Variants in GRK4 observed in about 807,000 individuals in gnomAD.
GRK4 encodes the protein G protein-coupled receptor kinase 4.
Under a neutral mutation model 77.9 loss-of-function variants are expected in GRK4, and 73 were observed. The observed-to-expected ratio is 0.94, with a 90% confidence interval of 0.78 to 1.14. The LOEUF is 1.14. Among genes scored for constraint, GRK4 ranks in the 50% most tolerant of loss-of-function variants. The pLI, the probability that GRK4 is intolerant of heterozygous loss-of-function variation, is 0.00. For missense variants in GRK4, 729 were observed against 700.2 expected (o/e 1.04, Z -0.46); for synonymous variants, 257 against 254.4 (o/e 1.01, Z -0.10).
In GRK4 at chr4:2,987,090, AC is replaced by A. The variant is rs1724621948; in HGVS notation, c.149-1634del. 5 of 514,030 alleles carry A rather than the reference AC, an allele frequency of 9.7e-6. 1 individual carries two copies. Among genetic ancestry groups the A allele is most frequent in the South Asian group, 7.1e-5 (5 of 70,286 alleles). The allele number at this position is 514,030 out of a possible 1,614,324, so 31.8% of individuals were successfully genotyped here. On this transcript the variant is annotated intron_variant, in intron 2 of 15. Coordinates refer to ENST00000398052, the MANE Select transcript of GRK4 (RefSeq NM_182982.3). ...TCAGCACCCCAAAAAGAAACGCCAC[AC>A]CCATTGATAGCCACTCCTGACTCCT...
chr4:2,973,301 GC>G (rs1720123204), intron 1 of GRK4, among the ~76,000 whole-genome samples: 1 of 152,042 alleles, frequency 6.6e-6, no homozygotes, highest in African/African-American at 2.4e-5. Flanking sequence ...AATACCAAAT[GC>G]CCCCCGTCTT....
At position 2,976,223 on chromosome 4, in the gene GRK4, C is replaced by T. The variant is rs138279288; in HGVS notation, c.53-8290C>T. Among the ~76,000 whole-genome samples, 509 of 151,762 alleles carry T rather than the reference C, an allele frequency of 3.4e-3. 1 individual carries two copies. Among genetic ancestry groups the T allele is most frequent in the African/African-American group, 0.012 (493 of 41,358 alleles). On this transcript the variant is annotated intron_variant, in intron 1 of 15. Transcript: ENST00000398052. The stretch of plus-strand genomic sequence containing the variant: ...CTCTCTTTCCCTCCCTCCTCCTTCC[C>T]TTCTTCCTTGTTTTTTTTTCCCTCT...
At chr4:3,014,615 G>A (rs1195573298) in intron 8 of GRK4, among the ~76,000 whole-genome samples, 1 of 152,052 alleles carries the variant, frequency 6.6e-6, no homozygotes, top group Non-Finnish European at 1.5e-5. Flanking sequence ...CCAACATGGT[G>A]AAATCCCGTC....
intron 1 of GRK4, among the ~76,000 whole-genome samples, chr4:2,973,657 C>T (rs1720241575): frequency 6.6e-6 from 1 of 152,192 alleles, no homozygotes; most frequent in Non-Finnish European, 1.5e-5. Context: ...AGATTCCGAC[C>T]TTTTCTCACC....
intron 7 of GRK4, among the ~76,000 whole-genome samples, chr4:3,012,866 C>T (rs972995223): frequency 2.6e-5 from 4 of 152,006 alleles, no homozygotes; most frequent in South Asian, 2.1e-4. Flanking sequence ...TTAGGCCAGG[C>T]GCGGTGGCTC....
chr4:2,974,947 C>T (rs1422914045), intron 1 of GRK4, among the ~76,000 whole-genome samples: 1 of 152,184 alleles, frequency 6.6e-6, no homozygotes, highest in Non-Finnish European at 1.5e-5. Flanking sequence ...CCATGTCTGC[C>T]CTCTAGCCAC....
chr4:2,976,622 T>C (rs763457081), intron 1 of GRK4, among the ~76,000 whole-genome samples: 294 of 151,086 alleles, frequency 1.9e-3, no homozygotes, highest in Non-Finnish European at 3.5e-3. Flanking sequence ...GCTTGAATTT[T>C]CTTTCTTTCT....
intron 10 of GRK4, among the ~76,000 whole-genome samples, chr4:3,025,617 C>T (rs1481450671): frequency 1.3e-5 from 2 of 151,910 alleles, no homozygotes; most frequent in East Asian, 1.9e-4. Flanking sequence ...TGGTCTCGAT[C>T]TCCTGACCTT....
At chr4:3,029,783 A>G (rs1360242078) in intron 12 of GRK4, among the ~76,000 whole-genome samples, 1 of 152,184 alleles carries the variant, frequency 6.6e-6, no homozygotes, top group Admixed American at 6.5e-5. Flanking sequence ...CAGGGAGGAC[A>G]CGTTTGCTTA....
At chr4:2,997,537 G>A (rs1348897168) in intron 4 of GRK4, among the ~76,000 whole-genome samples, 1 of 151,714 alleles carries the variant, frequency 6.6e-6, no homozygotes, top group Non-Finnish European at 1.5e-5. Context: ...CTTGATAATA[G>A]AGAGAGAGAG....
intron 10 of GRK4, among the ~76,000 whole-genome samples, chr4:3,023,487 A>G (rs1177437050): frequency 6.6e-6 from 1 of 152,108 alleles, no homozygotes; most frequent in African/African-American, 2.4e-5. Flanking sequence ...GGGGACTTGG[A>G]ATGCTAGTCT....
rs757612075 is a variant in GRK4 at position 3,019,627 on chromosome 4, G to A, written c.742-14G>A. 11 of 1,588,002 alleles carry A rather than the reference G, an allele frequency of 6.9e-6. No homozygotes were observed. In the South Asian group the frequency reaches 1.2e-4, roughly 18 times the overall value. On this transcript the variant is annotated splice_polypyrimidine_tract_variant and intron_variant, in intron 8 of 15. Coordinates refer to ENST00000398052, the MANE Select transcript of GRK4 (RefSeq NM_182982.3). Reference sequence around the variant, plus strand: ...CAAGTTCGTGTTCTGTTTTTATGATGTTGCTGTCTTTAGGTTAGTTTAGCC... The same window carrying A: ...CAAGTTCGTGTTCTGTTTTTATGATATTGCTGTCTTTAGGTTAGTTTAGCC...
chr4:2,971,122 T>G (rs1719430754), intron 1 of GRK4: 1 of 152,160 alleles, frequency 6.6e-6, no homozygotes, highest in South Asian at 2.1e-4. Flanking sequence ...AGCAGAAACA[T>G]TTACGGTATT....
intron 1 of GRK4, among the ~76,000 whole-genome samples, chr4:2,983,978 G>A (rs948317170): frequency 4.6e-5 from 7 of 152,002 alleles, no homozygotes; most frequent in Admixed American, 6.6e-5. Context: ...CCTCATTATC[G>A]CAGGACAGCA....
rs769469513 is a variant in GRK4, at chr4:2,976,631, CTTTTTTTTTTT to C, written c.53-7871_53-7861del. 3.7e-4 allele frequency among the ~76,000 whole-genome samples: 44 copies of C among 117,336 alleles called. 2 individuals carry two copies. In the East Asian group the frequency reaches 7.7e-3, roughly 21 times the overall value. The allele number at this position is 117,336 out of a possible 152,430, so 77.0% of individuals were successfully genotyped here. A position where few individuals can be genotyped will look rare whatever the true frequency, so the allele number is the denominator to read the frequency against. ...TCTCAAGCTTGAATTTTCTTTCTTT[CTTTTTTTTTTT>C]TTTTTTTTTTGGTTTGATACAGAGT... On this transcript the variant is annotated intron_variant, in intron 1 of 15. Coordinates refer to ENST00000398052, the MANE Select transcript of GRK4 (RefSeq NM_182982.3).
intron 12 of GRK4, among the ~76,000 whole-genome samples, chr4:3,031,953 G>T (rs747626191): frequency 1.3e-5 from 2 of 152,144 alleles, no homozygotes; most frequent in Non-Finnish European, 2.9e-5. Context: ...TCCTTTTCAT[G>T]TGTTTCCATA....
intron 4 of GRK4, among the ~76,000 whole-genome samples, chr4:2,995,068 A>G (rs751423079): frequency 1.3e-5 from 2 of 152,180 alleles, no homozygotes; most frequent in Non-Finnish European, 2.9e-5. Context: ...TTTGCTAAGG[A>G]TAATGGCCTC....
chr4:3,039,160 G>A (rs1741696451), intron 15 of GRK4, among the ~76,000 whole-genome samples: 1 of 152,082 alleles, frequency 6.6e-6, no homozygotes, highest in Non-Finnish European at 1.5e-5. Context: ...AGGGTGCAGT[G>A]AGCCGAGATC....
chr4:2,975,592 T>A (rs1214945106), intron 1 of GRK4, among the ~76,000 whole-genome samples: 1 of 152,098 alleles, frequency 6.6e-6, no homozygotes, highest in Non-Finnish European at 1.5e-5. Context: ...GTCCCATGGC[T>A]CCACCCCCAG....
Sources: allele counts gnomAD v4.1 joint callset (sites outside exome capture counted in the v4.1 genomes callset), GRCh38; gene constraint gnomAD v4.1.1; transcripts MANE v1.5; gene names NCBI Gene and HGNC (gene_info 2026-07-23, HGNC 2026-07-21).